The following DEPDC7 variants were observed in gnomAD, a reference collection of about 807,000 sequenced individuals.
DEPDC7 encodes DEP domain-containing protein 7.
DEPDC7 carries 41 observed loss-of-function variants against 56.6 expected under a neutral mutation model. The ratio of observed to expected loss-of-function variants is 0.72; its 90% CI spans 0.56 to 0.94. The LOEUF (loss-of-function observed/expected upper bound fraction) is 0.94. Ranked by LOEUF, DEPDC7 falls within the 40% of genes least tolerant of loss-of-function variation. The pLI is 0.00. For synonymous variants in DEPDC7, 185 were observed against 208.8 expected, an observed-to-expected ratio of 0.89 and a Z score of 0.98; for missense variants, 522 against 596.3, an observed-to-expected ratio of 0.88 and a Z score of 1.30.
At chr11:33,025,226 A>G (rs965902420) in intron 1 of DEPDC7, among the ~76,000 whole-genome samples, 2 of 152,018 alleles carry the variant, frequency 1.3e-5, no homozygotes, top group Admixed American at 6.6e-5. Context: ...CTTTCCCCAG[A>G]TGTCTGCACA....
intron 1 of DEPDC7, 162 bp downstream of exon 1, chr11:33,016,190 C>G (rs1183112952): frequency 3.9e-6 from 5 of 1,266,946 alleles, no homozygotes; most frequent in African/African-American, 1.6e-5. Flanking sequence ...CCAACGCCCC[C>G]GCCGAGCGGG....
At chr11:33,030,108 C>A (rs1027136032) in intron 4 of DEPDC7, among the ~76,000 whole-genome samples, 1 of 152,076 alleles carries the variant, frequency 6.6e-6, no homozygotes, top group Non-Finnish European at 1.5e-5. Context: ...TACAGGCGCA[C>A]GCCACCATGC....
At chr11:33,032,853 T>G in intron 7 of DEPDC7, 36 bp from the exon 8 acceptor site, 2 of 1,583,320 alleles carry the variant, frequency 1.3e-6, no homozygotes, top group East Asian at 4.5e-5. Flanking sequence ...TTAAAATGCA[T>G]TTGAATAATG....
chr11:33,031,430 C>T lies in DEPDC7; in HGVS notation c.835C>T (p.Gln279Ter). The T allele has an allele frequency of 1.2e-6, 2 of 1,614,112 alleles. No individual in the cohort carries two copies. The highest frequency in any genetic ancestry group is 2.2e-5 in the East Asian group (1 of 44,878). The change falls in exon 5 of 9, where the codon CAA becomes TAA. Residue 279 changes from glutamine to a stop codon, truncating the protein, a stop_gained. Coordinates refer to ENST00000241051, the MANE Select transcript of DEPDC7 (RefSeq NM_001077242.2). LOFTEE classifies it high-confidence loss of function. ...TGACTGTTTAGAATACCTTCCAGAC[C>T]AAATGGTGGTGGAAATAAGCAGAAG... ...AIDCLEYLPD[Q>*]MVVEISRSFP...
At chr11:33,030,102 G>GGC (rs1238003792) in intron 4 of DEPDC7, among the ~76,000 whole-genome samples, 4 of 152,074 alleles carry the variant, frequency 2.6e-5, no homozygotes, top group Non-Finnish European at 5.9e-5. Context: ...TGGAACTACA[G>GGC]GCGCACGCCA....
At chr11:33,026,921 C>G (rs1432537351) in intron 2 of DEPDC7, among the ~76,000 whole-genome samples, 1 of 152,124 alleles carries the variant, frequency 6.6e-6, no homozygotes, top group African/African-American at 2.4e-5. Context: ...AGCCACTGCG[C>G]CTGGCCCATT....
chr11:33,016,137 C>CAACG, intron 1 of DEPDC7, 109 bp downstream of exon 1: 2 of 1,236,504 alleles, frequency 1.6e-6, no homozygotes, highest in South Asian at 7.4e-5. Context: ...CTGCGCCTGT[C>CAACG]AACGGCCGGC....
intron 4 of DEPDC7, among the ~76,000 whole-genome samples, chr11:33,030,169 A>G (rs1853617907): frequency 6.6e-6 from 1 of 152,208 alleles, no homozygotes; most frequent in Non-Finnish European, 1.5e-5. Flanking sequence ...CATATTGGCC[A>G]GGGTGGTCTT....
intron 4 of DEPDC7, among the ~76,000 whole-genome samples, chr11:33,031,150 G>A (rs150595174): frequency 1.6e-3 from 246 of 152,200 alleles, no homozygotes; most frequent in African/African-American, 5.8e-3. Context: ...GTTTGTTTTC[G>A]TGAAAAAGGA....
chr11:33,020,337 G>C (rs2133658265), intron 1 of DEPDC7, among the ~76,000 whole-genome samples: 1 of 152,228 alleles, frequency 6.6e-6, no homozygotes, highest in Middle Eastern at 3.4e-3. Flanking sequence ...TTTTATGGTA[G>C]AGTTCAAATA....
chr11:33,021,275 A>T (rs1487560944), intron 1 of DEPDC7, among the ~76,000 whole-genome samples: 1 of 152,018 alleles, frequency 6.6e-6, no homozygotes, highest in African/African-American at 2.4e-5. Context: ...AAAAAAAGAA[A>T]ATGCTTGACC....
At chr11:33,016,251 G>A (rs1853459223) in intron 1 of DEPDC7, 1 of 1,335,932 alleles carries the variant, frequency 7.5e-7, no homozygotes, top group Non-Finnish European at 9.5e-7. Flanking sequence ...GAGCCCGCCC[G>A]CACAGCCCAG....
chr11:33,023,493 C>T (rs1242978323), intron 1 of DEPDC7, among the ~76,000 whole-genome samples: 1 of 152,112 alleles, frequency 6.6e-6, no homozygotes, highest in Non-Finnish European at 1.5e-5. Flanking sequence ...TCAAATGACC[C>T]ACTTATAATT....
At chr11:33,016,298 G>C in intron 1 of DEPDC7, 8 of 1,399,008 alleles carry the variant, frequency 5.7e-6, no homozygotes, top group Non-Finnish European at 7.4e-6. Flanking sequence ...ACTTGACCGC[G>C]CGTTGGTCTG....
chr11:33,026,792 T>TCTTTTCTTTTCTTTC (rs1554938365), intron 2 of DEPDC7: 3 of 97,040 alleles, frequency 3.1e-5, no homozygotes, highest in African/African-American at 9.1e-5. Flanking sequence ...TCTTTTCTTT[T>TCTTTTCTTTTCTTTC]CTTTTTTTTC....
intron 1 of DEPDC7, among the ~76,000 whole-genome samples, chr11:33,020,324 G>A (rs1017800182): frequency 6.6e-6 from 1 of 152,072 alleles, no homozygotes; most frequent in Non-Finnish European, 1.5e-5. Flanking sequence ...TTTGGTAAAC[G>A]TTTTTTATGG....
At chr11:33,017,359 T>C (rs1853475056) in intron 1 of DEPDC7, among the ~76,000 whole-genome samples, 1 of 152,244 alleles carries the variant, frequency 6.6e-6, no homozygotes, top group Admixed American at 6.5e-5. Context: ...AAAAACATGG[T>C]ACCCTGTTTT....
intron 1 of DEPDC7, 69 bp downstream of exon 1, chr11:33,016,097 CG>C: frequency 7.8e-7 from 1 of 1,276,926 alleles, no homozygotes; most frequent in Non-Finnish European, 9.9e-7. Context: ...GGTCCCGGCG[CG>C]GGGCGGGCGG....
intron 1 of DEPDC7, among the ~76,000 whole-genome samples, chr11:33,019,643 A>T (rs997270791): frequency 8.5e-5 from 13 of 152,174 alleles, no homozygotes; most frequent in Admixed American, 2.6e-4. Flanking sequence ...TCCAACCTGG[A>T]TGACAAAGTG....
Sources: allele counts gnomAD v4.1 joint callset (sites outside exome capture counted in the v4.1 genomes callset), GRCh38; gene constraint gnomAD v4.1.1; transcripts MANE v1.5; gene names NCBI Gene and HGNC (gene_info 2026-07-23, HGNC 2026-07-21).